SVOP: variants seen among roughly 807,000 people sequenced by gnomAD.
SVOP encodes the protein synaptic vesicle 2-related protein.
Under a neutral mutation model 69.1 loss-of-function variants are expected in SVOP, and 17 were observed. The observed-to-expected ratio is 0.25, with a 90% CI of 0.17 to 0.37. SVOP has a LOEUF of 0.37. SVOP is among the 10% of genes least tolerant of loss of function. The pLI, the probability that SVOP is intolerant of heterozygous loss-of-function variation, is 1.00. For missense variants in SVOP, 435 were observed against 597.5 expected, an observed-to-expected ratio of 0.73 and a Z score of 2.84; for synonymous variants, 238 against 238.6, an observed-to-expected ratio of 1.00 and a Z score of 0.02.
At chr12:108,925,018 T>C (rs1011542318) in intron 11 of SVOP, among the ~76,000 whole-genome samples, 1 of 145,752 alleles carries the variant, frequency 6.9e-6, no homozygotes, top group Non-Finnish European at 1.5e-5. Context: ...AAGCCTTCCT[T>C]TTTTTTTTTA....
rs748453965 is a variant in SVOP, at chr12:108,977,515, C to G, written c.283-19G>C. On this transcript the variant is annotated intron_variant, in intron 3 of 15. Transcript: ENST00000610966. ...CAGCCATCTGCAGAGAGGACGGAGA[C>G]ATCATGAGGCCAGGATGCTGCTTGG... 3.3e-6 allele frequency: 5 copies of G among 1,494,708 alleles called. No homozygotes were observed. Among genetic ancestry groups the G allele is most frequent in the Non-Finnish European group, 4.5e-6 (5 of 1,108,384 alleles). 92.6% of individuals were successfully genotyped at this position (1,494,708 alleles called of 1,614,324 possible). A position where few individuals can be genotyped will look rare whatever the true frequency, so the allele number is the denominator to read the frequency against.
intron 1 of SVOP, among the ~76,000 whole-genome samples, chr12:109,000,347 A>G (rs1181465162): frequency 1.4e-5 from 2 of 139,158 alleles, no homozygotes; most frequent in African/African-American, 2.7e-5. Context: ...AGAGTCCAGG[A>G]CCAGATGGAT....
chr12:108,975,787 A>T (rs1310917209), intron 4 of SVOP, among the ~76,000 whole-genome samples: 1 of 152,074 alleles, frequency 6.6e-6, no homozygotes, highest in African/African-American at 2.4e-5. Context: ...CTGCAAACTC[A>T]GCCTCCCGGG....
intron 13 of SVOP, among the ~76,000 whole-genome samples, chr12:108,918,665 C>T (rs1453703960): frequency 6.6e-6 from 1 of 152,030 alleles, no homozygotes; most frequent in Non-Finnish European, 1.5e-5. Flanking sequence ...GAGGCATAAG[C>T]CATTTCTATA....
intron 9 of SVOP, 70 bp downstream of exon 9, chr12:108,938,757 C>G: frequency 6.2e-7 from 1 of 1,606,688 alleles, no homozygotes; most frequent in African/African-American, 1.3e-5. Context: ...ATGCCCTACT[C>G]CATATGCACA....
chr12:109,012,426 A>T (rs1836169328), intron 1 of SVOP, among the ~76,000 whole-genome samples: 1 of 152,200 alleles, frequency 6.6e-6, no homozygotes, highest in South Asian at 2.1e-4. Context: ...CACCACAAAA[A>T]AGGATGTGAG....
chr12:108,977,553 C>A, intron 3 of SVOP, 57 bp from the exon 4 acceptor site: 2 of 1,217,806 alleles, frequency 1.6e-6, no homozygotes, highest in Non-Finnish European at 2.3e-6. Flanking sequence ...CTGGGGAAGG[C>A]TGGCCAAGTC....
At chr12:109,008,707 C>T (rs1055165436) in intron 1 of SVOP, among the ~76,000 whole-genome samples, 1 of 152,120 alleles carries the variant, frequency 6.6e-6, no homozygotes, top group African/African-American at 2.4e-5. Context: ...CCATTGCTGT[C>T]TCCACTTTAC....
chr12:108,997,383 G>T (rs1328902794), intron 1 of SVOP, among the ~76,000 whole-genome samples: 7 of 150,950 alleles, frequency 4.6e-5, no homozygotes, highest in Non-Finnish European at 1.0e-4. Flanking sequence ...GAGGCTGGGG[G>T]AGGGGCGCCC....
chr12:108,981,420 TC>T (rs2040134602), intron 2 of SVOP, among the ~76,000 whole-genome samples: 1 of 152,172 alleles, frequency 6.6e-6, no homozygotes, highest in Non-Finnish European at 1.5e-5. Flanking sequence ...AAGTCATTAG[TC>T]CTCTCTTAGA....
rs2039662999 is a variant in SVOP, at chr12:108,908,820, T to C, written c.*3715A>G. The stretch of plus-strand genomic sequence containing the variant: ...TTCTGTGCTAACAGAATCCCAATTT[T>C]GTGTTCAGGAGGCTGTGGGTATCCC... On this transcript the variant is annotated 3_prime_UTR_variant, in exon 16 of 16. Transcript: ENST00000610966. The C allele has an allele frequency of 6.6e-6, 1 of 152,180 alleles. No homozygotes were observed. Among genetic ancestry groups the C allele is most frequent in the East Asian group, 1.9e-4 (1 of 5,192 alleles). 9.4% of individuals were successfully genotyped at this position (152,180 alleles called of 1,614,324 possible).
intron 1 of SVOP, 65 bp downstream of exon 1, chr12:109,020,769 C>G (rs1593213598): frequency 6.4e-6 from 3 of 470,630 alleles, no homozygotes; most frequent in East Asian, 6.7e-5. Flanking sequence ...CCCCCACCCC[C>G]CTTGCAGGTT....
intron 13 of SVOP, 127 bp downstream of exon 13, chr12:108,919,548 T>G: frequency 1.5e-6 from 1 of 668,238 alleles, no homozygotes; most frequent in Non-Finnish European, 2.6e-6. Flanking sequence ...CACCCACACT[T>G]GGGCCTGCAC....
chr12:109,016,391 G>A (rs895251054), intron 1 of SVOP, among the ~76,000 whole-genome samples: 1 of 152,126 alleles, frequency 6.6e-6, no homozygotes, highest in African/African-American at 2.4e-5. Context: ...TGAAAGACAG[G>A]GTTTGTAAGA....
rs143926082 is a variant in SVOP, at chr12:108,942,167, G to A, written c.643-1258C>T. ...AAGATTCATCTGCATTGTACCATAT[G>A]TCAGAATGTCCTTCCTTTTTAAGGC... On this transcript the variant is annotated intron_variant, in intron 7 of 15. Transcript: ENST00000610966. Among the ~76,000 whole-genome samples the A allele has an allele frequency of 9.7e-3, 1,480 of 152,272 alleles. 27 individuals carry two copies. The highest frequency in any genetic ancestry group is 0.033 in the African/African-American group (1,382 of 41,530).
chr12:109,020,046 A>C (rs2040388036), intron 1 of SVOP, among the ~76,000 whole-genome samples: 1 of 151,752 alleles, frequency 6.6e-6, no homozygotes, highest in African/African-American at 2.4e-5. Context: ...CCCCTCTCAT[A>C]CTCTTGGAAT....
chr12:108,933,240 T>C (rs973665352), intron 11 of SVOP, among the ~76,000 whole-genome samples: 3 of 152,122 alleles, frequency 2.0e-5, no homozygotes, highest in African/African-American at 7.2e-5. Flanking sequence ...AACATGCTAT[T>C]TCTTTTTGCA....
intron 1 of SVOP, among the ~76,000 whole-genome samples, chr12:109,019,671 C>T (rs1250199841): frequency 6.6e-6 from 1 of 152,070 alleles, no homozygotes; most frequent in Non-Finnish European, 1.5e-5. Flanking sequence ...TGAAATAATG[C>T]TGTATTACAT....
At chr12:108,976,617 T>C (rs1426951733) in intron 4 of SVOP, among the ~76,000 whole-genome samples, 9 of 148,974 alleles carry the variant, frequency 6.0e-5, no homozygotes, top group South Asian at 4.3e-4. Flanking sequence ...TCTCTCTCTT[T>C]TTTTTTTTTT....
Sources: gnomAD v4.1 joint callset for allele counts (sites outside exome capture counted in the v4.1 genomes callset) on GRCh38, gnomAD v4.1.1 for gene constraint, MANE v1.5 for transcripts, NCBI Gene and HGNC (gene_info 2026-07-23, HGNC 2026-07-21) for gene names.